The following RSU1 variants were observed in gnomAD, a reference collection of about 807,000 sequenced individuals.
RSU1 encodes rsu-1.
A neutral mutation model predicts 31.1 loss-of-function variants in RSU1; 26 were observed. The ratio of observed to expected loss-of-function variants is 0.84; its 90% CI spans 0.61 to 1.16. RSU1 has a LOEUF of 1.16. Among genes scored for constraint, RSU1 ranks in the 50% most tolerant of loss-of-function variants. The pLI is 0.00. For synonymous variants in RSU1, 164 were observed against 136.3 expected (o/e 1.20, Z -1.41); for missense variants, 320 against 339.1 (o/e 0.94, Z 0.44).
chr10:16,644,499 A>G (rs535627247), intron 8 of RSU1, among the ~76,000 whole-genome samples: 1 of 152,220 alleles, frequency 6.6e-6, no homozygotes, highest in South Asian at 2.1e-4. Context: ...TATATGTGCT[A>G]TAACAGACTT....
chr10:16,816,726 A>AG (rs1279883576), intron 2 of RSU1, among the ~76,000 whole-genome samples: 1 of 152,238 alleles, frequency 6.6e-6, no homozygotes, highest in African/African-American at 2.4e-5. Flanking sequence ...AATGCCATAC[A>AG]GCAGAGACAA....
At chr10:16,706,666 T>C (rs1835910488) in intron 7 of RSU1, among the ~76,000 whole-genome samples, 1 of 152,234 alleles carries the variant, frequency 6.6e-6, no homozygotes, top group African/African-American at 2.4e-5. Context: ...ATCTATGCTA[T>C]ATAATTATCC....
chr10:16,652,520 C>T (rs566819436), intron 8 of RSU1, among the ~76,000 whole-genome samples: 60 of 151,618 alleles, frequency 4.0e-4, no homozygotes, highest in Non-Finnish European at 6.5e-4. Context: ...TGGTTATACA[C>T]GTTTGTCAAA....
intron 7 of RSU1, among the ~76,000 whole-genome samples, chr10:16,705,900 C>T (rs147388937): frequency 6.1e-4 from 93 of 152,284 alleles, no homozygotes; most frequent in Non-Finnish European, 1.2e-3. Flanking sequence ...CCTCAGTCTC[C>T]TGAGTAGCTG....
At chr10:16,748,592 G>T (rs1836907300) in intron 7 of RSU1, among the ~76,000 whole-genome samples, 1 of 152,172 alleles carries the variant, frequency 6.6e-6, no homozygotes, top group Non-Finnish European at 1.5e-5. Flanking sequence ...AAAAGCCCAA[G>T]TTCGGACAAT....
At chr10:16,753,832 A>G (rs1255455827) in intron 5 of RSU1, among the ~76,000 whole-genome samples, 1 of 152,124 alleles carries the variant, frequency 6.6e-6, no homozygotes, top group African/African-American at 2.4e-5. Flanking sequence ...GCAGTGGGTC[A>G]CTGCAGCCTC....
Position 16,592,979 on chromosome 10 carries a change from A to C in RSU1, c.*415T>G. The C allele has an allele frequency of 1.3e-5, 2 of 148,976 alleles. No homozygotes were observed. The highest frequency in any genetic ancestry group is 2.2e-4 in the South Asian group (1 of 4,636). 9.2% of individuals were successfully genotyped at this position (148,976 alleles called of 1,614,324 possible). On this transcript the variant is annotated 3_prime_UTR_variant, in exon 9 of 9. Transcript: ENST00000345264. ...TAGCATATCTCGGTGGTGAAGGAAG[A>C]CTTTTAATAAAGCAAAATAATGAGT...
chr10:16,592,971 G>C lies in RSU1; in HGVS notation c.*423C>G. Reference sequence around the variant, plus strand: ...AGTTAAATTAGCATATCTCGGTGGTGAAGGAAGACTTTTAATAAAGCAAAA... The same window carrying C: ...AGTTAAATTAGCATATCTCGGTGGTCAAGGAAGACTTTTAATAAAGCAAAA... On this transcript the variant is annotated 3_prime_UTR_variant, in exon 9 of 9. Transcript: ENST00000345264. 6.7e-6 allele frequency: 1 copy of C among 149,582 alleles called. No homozygotes were observed. The highest frequency in any genetic ancestry group is 1.5e-5 in the Non-Finnish European group (1 of 67,638). 9.3% of individuals were successfully genotyped at this position (149,582 alleles called of 1,614,324 possible).
intron 2 of RSU1, among the ~76,000 whole-genome samples, chr10:16,793,033 T>A (rs867044306): frequency 2.0e-5 from 3 of 152,210 alleles, no homozygotes; most frequent in Non-Finnish European, 4.4e-5. Context: ...GTTCTGACAA[T>A]GTATTAAAAT....
intron 7 of RSU1, among the ~76,000 whole-genome samples, chr10:16,744,937 A>C (rs1836820114): frequency 6.6e-6 from 1 of 152,132 alleles, no homozygotes; most frequent in Non-Finnish European, 1.5e-5. Flanking sequence ...GTTTTCACAC[A>C]GGAGGATAAT....
chr10:16,675,325 T>C (rs1032084525), intron 8 of RSU1, among the ~76,000 whole-genome samples: 3 of 152,204 alleles, frequency 2.0e-5, no homozygotes, highest in Non-Finnish European at 1.5e-5. Context: ...GTCTTCCCGA[T>C]GTCACTGTTA....
chr10:16,647,248 T>G (rs7071185), intron 8 of RSU1, among the ~76,000 whole-genome samples: 4 of 151,940 alleles, frequency 2.6e-5, no homozygotes, highest in South Asian at 2.1e-4. Flanking sequence ...TTGGGATTAC[T>G]GGTGTGAGCC....
intron 8 of RSU1, among the ~76,000 whole-genome samples, chr10:16,634,159 G>A (rs1834307117): frequency 1.3e-5 from 2 of 152,212 alleles, no homozygotes; most frequent in Non-Finnish European, 2.9e-5. Flanking sequence ...AAGATTTATA[G>A]CAAGGCTTAT....
intron 8 of RSU1, among the ~76,000 whole-genome samples, chr10:16,681,835 A>G (rs565423718): frequency 6.6e-6 from 1 of 152,326 alleles, no homozygotes; most frequent in African/African-American, 2.4e-5. Flanking sequence ...TTGATTTTAA[A>G]AAGTTCAAAT....
intron 2 of RSU1, among the ~76,000 whole-genome samples, chr10:16,793,123 T>C (rs1837959952): frequency 6.6e-6 from 1 of 152,202 alleles, no homozygotes; most frequent in South Asian, 2.1e-4. Context: ...CATAAAAAGC[T>C]TTCTTCTGAA....
intron 8 of RSU1, among the ~76,000 whole-genome samples, chr10:16,630,407 T>C (rs1834228309): frequency 6.6e-6 from 1 of 152,236 alleles, no homozygotes; most frequent in Non-Finnish European, 1.5e-5. Context: ...AAACTCACAA[T>C]AGATTATCAG....
chr10:16,785,526 A>ACACATATATACATATATAC (rs1240281059), intron 2 of RSU1, among the ~76,000 whole-genome samples: 1 of 141,824 alleles, frequency 7.1e-6, no homozygotes, highest in African/African-American at 2.9e-5. Context: ...ATATATATAT[A>ACACATATATACATATATAC]ATATTAGTTC....
chr10:16,716,009 A>T (rs1836132108), intron 7 of RSU1, among the ~76,000 whole-genome samples: 1 of 152,240 alleles, frequency 6.6e-6, no homozygotes, highest in Admixed American at 6.5e-5. Context: ...TTTCTTAATC[A>T]GATAATTTAT....
intron 8 of RSU1, among the ~76,000 whole-genome samples, chr10:16,623,527 T>C (rs555622996): frequency 1.5e-4 from 23 of 152,314 alleles, no homozygotes; most frequent in African/African-American, 5.5e-4. Flanking sequence ...GAATGATTTC[T>C]TTTAGATATA....
Sources: allele counts gnomAD v4.1 joint callset (sites outside exome capture counted in the v4.1 genomes callset), GRCh38; gene constraint gnomAD v4.1.1; transcripts MANE v1.5; gene names NCBI Gene and HGNC (gene_info 2026-07-23, HGNC 2026-07-21).